METTL24: variants seen among roughly 807,000 people sequenced by gnomAD.
METTL24 encodes methyltransferase like 24, also known as probable methyltransferase-like protein 24.
METTL24 carries 29 observed loss-of-function variants against 32.7 expected under a neutral mutation model. The ratio of observed to expected loss-of-function variants is 0.89; its 90% CI spans 0.66 to 1.21. The LOEUF is 1.21. Among genes scored for constraint, METTL24 ranks in the 50% most tolerant of loss-of-function variants. The pLI is 0.00. For synonymous variants in METTL24, 163 were observed against 179.5 expected, an observed-to-expected ratio of 0.91 and a Z score of 0.73; for missense variants, 439 against 468.1, an observed-to-expected ratio of 0.94 and a Z score of 0.57.
intron 4 of METTL24, among the ~76,000 whole-genome samples, chr6:110,266,573 A>C (rs1248957014): frequency 6.6e-6 from 1 of 152,068 alleles, no homozygotes; most frequent in Non-Finnish European, 1.5e-5. Context: ...CTCCTGCGAC[A>C]GTTCTCATGA....
chr6:110,330,729 A>G (rs1406410141), intron 1 of METTL24, among the ~76,000 whole-genome samples: 3 of 152,196 alleles, frequency 2.0e-5, no homozygotes, highest in Non-Finnish European at 2.9e-5. Context: ...GCTGACATGG[A>G]AATTACAACC....
At chr6:110,314,497 C>T (rs1450398881) in intron 3 of METTL24, among the ~76,000 whole-genome samples, 4 of 152,012 alleles carry the variant, frequency 2.6e-5, no homozygotes, top group South Asian at 4.1e-4. Context: ...CTGAATAACT[C>T]GATATCAATT....
At chr6:110,283,339 A>AAT (rs1771169709) in intron 4 of METTL24, among the ~76,000 whole-genome samples, 1 of 152,190 alleles carries the variant, frequency 6.6e-6, no homozygotes, top group Admixed American at 6.5e-5. Flanking sequence ...AACATCTCTG[A>AAT]ATATTACATC....
intron 3 of METTL24, among the ~76,000 whole-genome samples, chr6:110,299,411 TG>T (rs1012542804): frequency 3.3e-5 from 5 of 151,914 alleles, no homozygotes; most frequent in Non-Finnish European, 5.9e-5. Flanking sequence ...ATCATCAAAT[TG>T]TTTTTTTTTT....
At chr6:110,289,867 T>C (rs1339916590) in intron 4 of METTL24, among the ~76,000 whole-genome samples, 1 of 150,906 alleles carries the variant, frequency 6.6e-6, no homozygotes, top group Admixed American at 6.6e-5. Flanking sequence ...GGTAGAATGG[T>C]GGAAATCTAC....
intron 3 of METTL24, among the ~76,000 whole-genome samples, chr6:110,311,454 T>C (rs539421349): frequency 1.3e-5 from 2 of 150,926 alleles, no homozygotes; most frequent in Non-Finnish European, 2.9e-5. Flanking sequence ...TCTTTTCTTT[T>C]CTTTTCTTTC....
Position 110,358,268 on chromosome 6 carries a change from G to A in METTL24, c.5C>T (p.Ala2Val), listed in dbSNP as rs978329952. The A allele has an allele frequency of 2.7e-6, 4 of 1,473,418 alleles. No individual in the cohort carries two copies. The highest frequency in any genetic ancestry group is 2.9e-5 in the African/African-American group (2 of 67,922). The allele number at this position is 1,473,418 out of a possible 1,614,324, so 91.3% of individuals were successfully genotyped here. ...GCCCCTCCCGGGCGGCCTCTCCCGG[G>A]CCATGGCGCTACACTCGGGGTCCCG... is the stretch of plus-strand genomic sequence containing the variant. Reference protein sequence around the residue: MARERPPGRGCG... With the variant: MVRERPPGRGCG... Residue 2 changes from alanine to valine, a missense_variant, in exon 1 of 5, where the codon GCC becomes GTC. Physicochemically the swap from Ala to Val is moderately conservative, Grantham distance 64 (BLOSUM62 0). Coordinates refer to ENST00000338882, the MANE Select transcript of METTL24 (RefSeq NM_001123364.3).
chr6:110,298,850 T>C lies in METTL24; in HGVS notation c.786+72A>G, dbSNP rs1399714056. On this transcript the variant is annotated intron_variant, in intron 4 of 4. Coordinates refer to ENST00000338882, the MANE Select transcript of METTL24 (RefSeq NM_001123364.3). ...CTATCCAATGTCAATGTTGCTATTC[T>C]TGGTTTGCATTTTAAAAAGCTGATG... 7 of 1,330,958 alleles carry C rather than the reference T, an allele frequency of 5.3e-6. No individual in the cohort carries two copies. The East Asian group carries it at 1.7e-4, about 32-fold the overall frequency. 82.4% of individuals were successfully genotyped at this position (1,330,958 alleles called of 1,614,324 possible). A position where few individuals can be genotyped will look rare whatever the true frequency, so the allele number is the denominator to read the frequency against.
intron 4 of METTL24, among the ~76,000 whole-genome samples, chr6:110,287,245 C>T (rs951429455): frequency 6.6e-6 from 1 of 152,174 alleles, no homozygotes; most frequent in African/African-American, 2.4e-5. Flanking sequence ...ACAAACATTT[C>T]CTAAATGTTG....
intron 1 of METTL24, among the ~76,000 whole-genome samples, chr6:110,332,218 A>T (rs1311341805): frequency 1.3e-5 from 2 of 152,234 alleles, no homozygotes; most frequent in African/African-American, 2.4e-5. Flanking sequence ...TCAACTCTGG[A>T]TTTATCCTCT....
chr6:110,321,897 A>G (rs1771936121), intron 2 of METTL24, among the ~76,000 whole-genome samples: 1 of 152,172 alleles, frequency 6.6e-6, no homozygotes, highest in Admixed American at 6.5e-5. Context: ...GGATGTCAAG[A>G]GTGGGCTTGA....
chr6:110,306,151 T>C (rs1408763194), intron 3 of METTL24, among the ~76,000 whole-genome samples: 6 of 145,916 alleles, frequency 4.1e-5, no homozygotes, highest in Non-Finnish European at 9.0e-5. Context: ...CACCAGGGCC[T>C]GTTGGGGGGT....
intron 1 of METTL24, among the ~76,000 whole-genome samples, chr6:110,336,084 T>C (rs1298398172): frequency 6.6e-6 from 1 of 152,226 alleles, no homozygotes; most frequent in African/African-American, 2.4e-5. Flanking sequence ...CTCCAGAAGA[T>C]ACAGAACACA....
chr6:110,315,522 G>A, intron 2 of METTL24, 41 bp from the exon 3 acceptor site: 2 of 1,608,192 alleles, frequency 1.2e-6, no homozygotes, highest in Non-Finnish European at 1.7e-6. Context: ...TTGAAATGTT[G>A]GATGATAAAT....
intron 1 of METTL24, among the ~76,000 whole-genome samples, chr6:110,355,516 G>A (rs938967286): frequency 2.6e-5 from 4 of 152,060 alleles, no homozygotes; most frequent in South Asian, 2.1e-4. Flanking sequence ...CCACAGGCTC[G>A]GATTGCTTCT....
intron 4 of METTL24, among the ~76,000 whole-genome samples, chr6:110,297,848 T>C (rs1771447942): frequency 6.6e-6 from 1 of 152,190 alleles, no homozygotes; most frequent in Admixed American, 6.5e-5. Flanking sequence ...AAATTAATAG[T>C]TAATTGCGTG....
chr6:110,285,230 G>C (rs554257344), intron 4 of METTL24, among the ~76,000 whole-genome samples: 87 of 152,316 alleles, frequency 5.7e-4, no homozygotes, highest in Non-Finnish European at 1.0e-3. Flanking sequence ...TGATTTTAAA[G>C]AGAAGTTCTT....
At chr6:110,286,209 G>T (rs9487342) in intron 4 of METTL24, among the ~76,000 whole-genome samples, 27,862 of 152,040 alleles carry the variant, frequency 0.18, 6,046 homozygotes, top group African/African-American at 0.53. Flanking sequence ...CCTGACCCCC[G>T]TCTTGTTTCA....
intron 1 of METTL24, among the ~76,000 whole-genome samples, chr6:110,345,410 G>A (rs1420145404): frequency 6.6e-6 from 1 of 152,182 alleles, no homozygotes; most frequent in Non-Finnish European, 1.5e-5. Context: ...ATTCAACGCA[G>A]CAAAACCATT....
Sources: gnomAD v4.1 joint callset for allele counts (sites outside exome capture counted in the v4.1 genomes callset) on GRCh38, gnomAD v4.1.1 for gene constraint, MANE v1.5 for transcripts, NCBI Gene and HGNC (gene_info 2026-07-23, HGNC 2026-07-21) for gene names.